The following EYS variants were observed in gnomAD, a reference collection of about 807,000 sequenced individuals.
The protein encoded by EYS is protein eyes shut homolog.
A neutral mutation model predicts 282.1 loss-of-function variants in EYS; 250 were observed. The ratio of observed to expected loss-of-function variants is 0.89; its 90% confidence interval spans 0.80 to 0.98. The LOEUF is 0.98. Ranked by LOEUF, EYS falls within the 50% of genes least tolerant of loss-of-function variation. The pLI is 0.00. For synonymous variants in EYS, 1,355 were observed against 1,282.9 expected, an observed-to-expected ratio of 1.06 and a Z score of -1.20; for missense variants, 4,016 against 3,709.0, an observed-to-expected ratio of 1.08 and a Z score of -2.15.
Position 65,640,642 on chromosome 6 carries a change from T to C in EYS, c.-447-750A>G, listed in dbSNP as rs572071075. ...TTGTTCTGGGTTTTTATTTGGCATG[T>C]TGAGAATATCATTTTACTGTTTTCT... On this transcript the variant is annotated intron_variant, in intron 1 of 42. Transcript: ENST00000503581. Among the ~76,000 whole-genome samples, 17 of 152,312 alleles carry C rather than the reference T, an allele frequency of 1.1e-4. No individual in the cohort carries two copies. In the East Asian group the frequency reaches 2.3e-3, roughly 21 times the overall value.
At chr6:65,029,059 T>G (rs925598389) in intron 13 of EYS, among the ~76,000 whole-genome samples, 3 of 152,176 alleles carry the variant, frequency 2.0e-5, no homozygotes, top group Non-Finnish European at 4.4e-5. Context: ...ACTTAGCCAG[T>G]GGAAAACCTG....
intron 2 of EYS, among the ~76,000 whole-genome samples, chr6:65,575,831 G>T (rs556786347): frequency 6.6e-6 from 1 of 152,058 alleles, no homozygotes; most frequent in East Asian, 1.9e-4. Flanking sequence ...CAACAAATTG[G>T]ATAACCTAGA....
At chr6:65,516,360 A>G (rs1469493580) in intron 2 of EYS, among the ~76,000 whole-genome samples, 1 of 152,078 alleles carries the variant, frequency 6.6e-6, no homozygotes, top group Non-Finnish European at 1.5e-5. Flanking sequence ...TAATCCTCAC[A>G]GCTATTTAAG....
rs143611662 is a variant in EYS, at chr6:65,638,236, C to G, written c.-333+1542G>C. Among the ~76,000 whole-genome samples the G allele has an allele frequency of 3.8e-3, 581 of 152,256 alleles. 4 individuals are homozygous for G. Among genetic ancestry groups the G allele is most frequent in the Middle Eastern group, 6.8e-3 (2 of 294 alleles). ...TGACCTGTCTGCAGAAAGGAGCGAT[C>G]CACTAGGGGTCTCCTCTGAGCTGTT... On this transcript the variant is annotated intron_variant, in intron 2 of 42. Coordinates refer to ENST00000503581, the MANE Select transcript of EYS (RefSeq NM_001142800.2).
chr6:65,645,468 A>C (rs1767418943), intron 1 of EYS, among the ~76,000 whole-genome samples: 1 of 152,184 alleles, frequency 6.6e-6, no homozygotes, highest in Non-Finnish European at 1.5e-5. Flanking sequence ...TGGATATTAA[A>C]AACGTTTTGA....
Position 65,167,458 on chromosome 6 carries a change from T to G in EYS, c.2024-109731A>C, listed in dbSNP as rs183893020. On this transcript the variant is annotated intron_variant, in intron 12 of 42. Transcript: ENST00000503581. ...ATTGTACACTTTTAAAAAGTGAATT[T>G]TTATGGTATGTGAATTATGTCTAAA... Among the ~76,000 whole-genome samples the G allele has an allele frequency of 1.7e-4, 25 of 151,328 alleles. No homozygotes were observed. The East Asian group carries it at 4.9e-3, about 30-fold the overall frequency.
chr6:65,076,494 A>G (rs1774055321), intron 12 of EYS, among the ~76,000 whole-genome samples: 1 of 152,024 alleles, frequency 6.6e-6, no homozygotes, highest in Non-Finnish European at 1.5e-5. Flanking sequence ...GTGAATAGCT[A>G]TCATCATCAC....
intron 12 of EYS, among the ~76,000 whole-genome samples, chr6:65,293,501 T>A (rs903333775): frequency 2.0e-5 from 3 of 151,850 alleles, no homozygotes. Context: ...CAGAGATTAG[T>A]GGTTTTCTGC....
chr6:64,614,979 G>A (rs1767227501), intron 24 of EYS, among the ~76,000 whole-genome samples: 2 of 152,038 alleles, frequency 1.3e-5, no homozygotes, highest in Non-Finnish European at 2.9e-5. Context: ...AGTTTACAGT[G>A]TTTCAGAGTT....
intron 12 of EYS, among the ~76,000 whole-genome samples, chr6:65,089,859 G>A (rs1248629035): frequency 6.6e-6 from 1 of 151,358 alleles, no homozygotes; most frequent in Non-Finnish European, 1.5e-5. Flanking sequence ...GGTAGGTTGA[G>A]TGAGGGGAAT....
In EYS at chr6:64,866,065, T is replaced by C. The variant is rs1255656693; in HGVS notation, c.2992+20632A>G. ...ATGATTTATTACCAGAAACTACTTCTTGTCTATTTTTTGATTCTCATAATC... is the reference window on the plus strand; with the variant it reads ...ATGATTTATTACCAGAAACTACTTCCTGTCTATTTTTTGATTCTCATAATC... On this transcript the variant is annotated intron_variant, in intron 19 of 42. Transcript: ENST00000503581. 6.6e-5 allele frequency among the ~76,000 whole-genome samples: 10 copies of C among 152,036 alleles called. No homozygotes were observed. The East Asian group carries it at 1.9e-3, about 29-fold the overall frequency.
intron 1 of EYS, among the ~76,000 whole-genome samples, chr6:65,696,653 C>T (rs1254556073): frequency 2.6e-5 from 4 of 151,806 alleles, no homozygotes; most frequent in Admixed American, 6.6e-5. Context: ...ATAAAAGTAT[C>T]GTATAAATTA....
At chr6:65,076,838 G>A (rs1774069157) in intron 12 of EYS, among the ~76,000 whole-genome samples, 1 of 151,972 alleles carries the variant, frequency 6.6e-6, no homozygotes, top group East Asian at 1.9e-4. Flanking sequence ...AATATGAATA[G>A]CATGTATTCA....
chr6:64,357,944 G>A (rs1355287783), intron 29 of EYS, among the ~76,000 whole-genome samples: 1 of 151,532 alleles, frequency 6.6e-6, no homozygotes, highest in East Asian at 2.0e-4. Flanking sequence ...TTCAAGCAAG[G>A]CTGTGTTCTT....
intron 2 of EYS, among the ~76,000 whole-genome samples, chr6:65,590,820 T>A (rs541495338): frequency 1.3e-5 from 2 of 152,114 alleles, no homozygotes; most frequent in East Asian, 1.9e-4. Flanking sequence ...GTTTTTTTTT[T>A]ATGGCTGCAT....
intron 35 of EYS, among the ~76,000 whole-genome samples, chr6:63,980,627 A>G (rs1241195983): frequency 1.3e-5 from 2 of 151,874 alleles, no homozygotes; most frequent in Admixed American, 1.3e-4. Context: ...TGAATCCAGA[A>G]AGGCTGAATA....
At chr6:63,810,293 A>G (rs1424726068) in intron 36 of EYS, among the ~76,000 whole-genome samples, 5 of 147,818 alleles carry the variant, frequency 3.4e-5, no homozygotes, top group African/African-American at 1.3e-4. Flanking sequence ...ACCAAAACAA[A>G]GACAAAAACA....
intron 8 of EYS, among the ~76,000 whole-genome samples, chr6:65,355,509 G>A (rs1025542882): frequency 6.6e-6 from 1 of 152,012 alleles, no homozygotes; most frequent in Non-Finnish European, 1.5e-5. Flanking sequence ...CACAGCAAAA[G>A]AAATAATCAA....
At chr6:64,022,719 A>G (rs538814874) in intron 33 of EYS, among the ~76,000 whole-genome samples, 2 of 152,350 alleles carry the variant, frequency 1.3e-5, no homozygotes, top group South Asian at 4.1e-4. Context: ...CTACTGAAAC[A>G]GGCTGCTGTG....
Sources: allele counts gnomAD v4.1 joint callset (sites outside exome capture counted in the v4.1 genomes callset), GRCh38; gene constraint gnomAD v4.1.1; transcripts MANE v1.5; gene names NCBI Gene and HGNC (gene_info 2026-07-23, HGNC 2026-07-21).